GFRAL: variants seen among roughly 807,000 people sequenced by gnomAD.
GFRAL encodes the protein GDNF family receptor alpha-like.
A neutral mutation model predicts 45.4 loss-of-function variants in GFRAL; 36 were observed. The ratio of observed to expected loss-of-function variants is 0.79; its 90% confidence interval spans 0.61 to 1.05. GFRAL has a LOEUF of 1.05. Ranked by LOEUF, GFRAL falls within the 50% of genes least tolerant of loss-of-function variation. The pLI is 0.00. For missense variants in GFRAL, 507 were observed against 467.5 expected (o/e 1.08, Z -0.78); for synonymous variants, 166 against 154.1 (o/e 1.08, Z -0.57).
intron 6 of GFRAL, among the ~76,000 whole-genome samples, chr6:55,361,672 T>TAACA: frequency 6.6e-6 from 1 of 152,174 alleles, no homozygotes; most frequent in East Asian, 1.9e-4. Flanking sequence ...TTGCTAATTC[T>TAACA]AACAAACCTT....
At chr6:55,353,079 G>A (rs1378433874) in intron 5 of GFRAL, among the ~76,000 whole-genome samples, 1 of 151,978 alleles carries the variant, frequency 6.6e-6, no homozygotes. Flanking sequence ...AAGCAGTGAG[G>A]GTAGAGTGTG....
At chr6:55,379,736 A>G (rs977228894) in intron 6 of GFRAL, among the ~76,000 whole-genome samples, 2 of 151,872 alleles carry the variant, frequency 1.3e-5, no homozygotes, top group East Asian at 1.9e-4. Flanking sequence ...TATAGTCACC[A>G]TGTTGTACAA....
At chr6:55,346,458 C>T (rs1449034811) in intron 3 of GFRAL, among the ~76,000 whole-genome samples, 5 of 152,022 alleles carry the variant, frequency 3.3e-5, no homozygotes, top group South Asian at 2.1e-4. Context: ...AACCAAACAC[C>T]GCATATTGTC....
chr6:55,361,900 T>C (rs1458413842), intron 6 of GFRAL, among the ~76,000 whole-genome samples: 6 of 152,052 alleles, frequency 3.9e-5, no homozygotes. Context: ...AGGGAGGCTT[T>C]TCAGTTTGTC....
At chr6:55,368,408 T>C (rs1768397368) in intron 6 of GFRAL, among the ~76,000 whole-genome samples, 1 of 151,802 alleles carries the variant, frequency 6.6e-6, no homozygotes, top group African/African-American at 2.4e-5. Context: ...TAGCTCAGAG[T>C]AATTTGATCG....
At chr6:55,364,923 CT>C in intron 6 of GFRAL, among the ~76,000 whole-genome samples, 1 of 152,150 alleles carries the variant, frequency 6.6e-6, no homozygotes, top group Non-Finnish European at 1.5e-5. Flanking sequence ...GTGATGCGGG[CT>C]CTTTTTTGGT....
rs761077180 is a variant in GFRAL at position 55,359,094 on chromosome 6, T to A, written c.908T>A (p.Leu303Ter). 1 of 1,612,610 alleles carries A rather than the reference T, an allele frequency of 6.2e-7. No homozygotes were observed. The change falls in exon 6 of 9, where the codon TTG becomes TAG. Residue 303 changes from leucine (L) to a stop codon, truncating the protein, a stop_gained. Coordinates refer to ENST00000340465, the MANE Select transcript of GFRAL (RefSeq NM_207410.2). LOFTEE classifies it high-confidence loss of function. ...CRTITQSEESLCKIFQHMLHR... is the reference protein window; with the variant it reads ...CRTITQSEES ...ACCATTACACAAAGTGAGGAATCTT[T>A]GTGTAAGATTTTCCAGCACATGCTT... is the stretch of plus-strand genomic sequence containing the variant.
chr6:55,331,589 C>T, intron 1 of GFRAL, 126 bp from the exon 2 acceptor site: 2 of 711,950 alleles, frequency 2.8e-6, no homozygotes, highest in Non-Finnish European at 4.4e-6. Flanking sequence ...AAGGTTATTC[C>T]CACCATCAAT....
chr6:55,383,986 C>G (rs191117212), intron 6 of GFRAL, among the ~76,000 whole-genome samples: 1 of 152,118 alleles, frequency 6.6e-6, no homozygotes, highest in East Asian at 1.9e-4. Context: ...AACACTAGTT[C>G]CTTTGAGATA....
chr6:55,400,893 C>G (rs1179695320), intron 8 of GFRAL, among the ~76,000 whole-genome samples: 2 of 152,132 alleles, frequency 1.3e-5, no homozygotes, highest in Non-Finnish European at 2.9e-5. Flanking sequence ...TCTGGCCCGG[C>G]AAAAACATCT....
At chr6:55,365,950 C>T (rs1768356758) in intron 6 of GFRAL, among the ~76,000 whole-genome samples, 1 of 146,214 alleles carries the variant, frequency 6.8e-6, no homozygotes, top group Non-Finnish European at 1.5e-5. Context: ...TGATGCTGGC[C>T]TCATAAAATG....
At chr6:55,343,417 G>A (rs141869573) in intron 3 of GFRAL, among the ~76,000 whole-genome samples, 7 of 152,148 alleles carry the variant, frequency 4.6e-5, no homozygotes, top group South Asian at 4.2e-4. Context: ...CAACCTGCTC[G>A]TGAATGACTG....
At chr6:55,340,748 A>G (rs1562049341) in intron 3 of GFRAL, among the ~76,000 whole-genome samples, 1 of 152,310 alleles carries the variant, frequency 6.6e-6, no homozygotes, top group East Asian at 1.9e-4. Context: ...GGGAAGCACA[A>G]GGGGTCAGGG....
rs764218405 is a variant in GFRAL, at chr6:55,390,935, A to ACACACAC, written c.953-8245_953-8244insCACACAC. 8.6e-3 allele frequency among the ~76,000 whole-genome samples: 696 copies of ACACACAC among 81,136 alleles called. 5 individuals carry two copies. Among genetic ancestry groups the ACACACAC allele is most frequent in the Non-Finnish European group, 0.013 (516 of 39,720 alleles). 53.2% of individuals were successfully genotyped at this position (81,136 alleles called of 152,430 possible). On this transcript the variant is annotated intron_variant, in intron 6 of 8. Coordinates refer to ENST00000340465, the MANE Select transcript of GFRAL (RefSeq NM_207410.2). Reference sequence around the variant, plus strand: ...ACACACACACACACACACACACACAAGTAGTGGTCTAACTCACAGGGCATT... The same window carrying ACACACAC: ...ACACACACACACACACACACACACAACACACACGTAGTGGTCTAACTCACAGGGCATT...
At position 55,401,928 on chromosome 6, in the gene GFRAL, T is replaced by TCCTCTCCTCTCTTCTCCTCTCCTCC; in HGVS notation, c.*80_*104dup. Reference sequence around the variant, plus strand: ...TTCTTTCCTCTTTTCTTCTCTCCTCTCCTCTCCTCTCTTCTCCTCTCCTCC... The same window carrying TCCTCTCCTCTCTTCTCCTCTCCTCC: ...TTCTTTCCTCTTTTCTTCTCTCCTCTCCTCTCCTCTCTTCTCCTCTCCTCCCCTCTCCTCTCTTCTCCTCTCCTCC... On this transcript the variant is annotated 3_prime_UTR_variant, in exon 9 of 9. Transcript: ENST00000340465. The TCCTCTCCTCTCTTCTCCTCTCCTCC allele has an allele frequency of 1.3e-6, 1 of 794,852 alleles. No homozygotes were observed. Among genetic ancestry groups the TCCTCTCCTCTCTTCTCCTCTCCTCC allele is most frequent in the Admixed American group, 2.1e-5 (1 of 47,916 alleles). 49.2% of individuals were successfully genotyped at this position (794,852 alleles called of 1,614,324 possible). A position where few individuals can be genotyped will look rare whatever the true frequency, so the allele number is the denominator to read the frequency against.
At chr6:55,397,742 C>A (rs1009077331) in intron 6 of GFRAL, among the ~76,000 whole-genome samples, 3 of 152,094 alleles carry the variant, frequency 2.0e-5, no homozygotes, top group Admixed American at 2.0e-4. Context: ...TCCCAATAAG[C>A]TGTCTTCTGA....
chr6:55,349,594 G>T (rs1035098226), intron 3 of GFRAL, among the ~76,000 whole-genome samples: 4 of 151,936 alleles, frequency 2.6e-5, no homozygotes, highest in African/African-American at 9.7e-5. Context: ...CATTTTCGTT[G>T]ATGAGATTTT....
intron 6 of GFRAL, among the ~76,000 whole-genome samples, chr6:55,362,515 C>A (rs74509913): frequency 1.3e-5 from 2 of 151,850 alleles, no homozygotes; most frequent in African/African-American, 4.8e-5. Context: ...TATGGATTCA[C>A]AACAAACTTA....
chr6:55,346,936 G>T (rs1203492951), intron 3 of GFRAL, among the ~76,000 whole-genome samples: 1 of 151,068 alleles, frequency 6.6e-6, no homozygotes, highest in Non-Finnish European at 1.5e-5. Context: ...TGTAATATTG[G>T]TGGTAATTAA....
Sources: allele counts gnomAD v4.1 joint callset (sites outside exome capture counted in the v4.1 genomes callset), GRCh38; gene constraint gnomAD v4.1.1; transcripts MANE v1.5; gene names NCBI Gene and HGNC (gene_info 2026-07-23, HGNC 2026-07-21).